Variants in PIK3C2G observed in about 807,000 individuals in gnomAD.
PIK3C2G encodes the protein phosphatidylinositol 3-kinase C2 domain-containing subunit gamma.
In PIK3C2G, 168 loss-of-function variants were observed where a neutral mutation model predicts 181.1. That is an observed-to-expected ratio of 0.93 (90% CI 0.82 to 1.05). The LOEUF (loss-of-function observed/expected upper bound fraction) is 1.05, where lower values mean the gene tolerates loss of function less well. Among genes scored for constraint, PIK3C2G ranks in the 50% least tolerant of loss-of-function variants. The pLI is 0.00. For missense variants in PIK3C2G, 1,869 were observed against 1,732.8 expected (o/e 1.08, Z -1.40); for synonymous variants, 573 against 592.2 (o/e 0.97, Z 0.47).
chr12:18,358,072 G>C (rs1380995592), intron 11 of PIK3C2G, among the ~76,000 whole-genome samples: 1 of 152,196 alleles, frequency 6.6e-6, no homozygotes, highest in African/African-American at 2.4e-5. Flanking sequence ...AGTTCAGATA[G>C]CTCTTCAAGA....
intron 20 of PIK3C2G, among the ~76,000 whole-genome samples, chr12:18,495,751 A>T (rs1394057000): frequency 6.6e-6 from 1 of 152,140 alleles, no homozygotes; most frequent in East Asian, 1.9e-4. Context: ...GCCAATATTC[A>T]TACACTGCTT....
chr12:18,321,166 A>G, intron 7 of PIK3C2G, 134 bp downstream of exon 7: 1 of 565,736 alleles, frequency 1.8e-6, no homozygotes, highest in East Asian at 2.9e-5. Flanking sequence ...TTTAACAGGC[A>G]AATTCTGTTA....
At chr12:18,689,710 A>G in the PIK3C2G span, among the ~76,000 whole-genome samples, 1 of 152,174 alleles carries the variant, frequency 6.6e-6, no homozygotes, top group African/African-American at 2.4e-5. Flanking sequence ...TGGATTTAGA[A>G]AGCAGTCCTG....
the PIK3C2G span, among the ~76,000 whole-genome samples, chr12:18,670,309 CACA>C: frequency 9.5e-4 from 144 of 152,206 alleles, no homozygotes; most frequent in Middle Eastern, 3.4e-3. Context: ...CACACACACA[CACA>C]ACATCAGAAA....
intron 9 of PIK3C2G, among the ~76,000 whole-genome samples, chr12:18,340,821 T>C (rs544971150): frequency 1.3e-5 from 2 of 152,254 alleles, no homozygotes; most frequent in Admixed American, 1.3e-4. Context: ...AATGAGATCA[T>C]TGCTGTTAAT....
chr12:18,335,433 G>A, intron 8 of PIK3C2G, among the ~76,000 whole-genome samples: 1 of 152,018 alleles, frequency 6.6e-6, no homozygotes, highest in East Asian at 1.9e-4. Context: ...TAAAATTTGT[G>A]TAATGTTTAT....
intron 29 of PIK3C2G, among the ~76,000 whole-genome samples, chr12:18,569,270 G>C (rs907372117): frequency 1.3e-5 from 2 of 152,018 alleles, no homozygotes; most frequent in African/African-American, 4.8e-5. Flanking sequence ...AATCCGAAGA[G>C]AGATATCTAA....
At chr12:18,350,646 G>A (rs547829776) in intron 11 of PIK3C2G, among the ~76,000 whole-genome samples, 157 of 152,204 alleles carry the variant, frequency 1.0e-3, no homozygotes, top group Middle Eastern at 6.8e-3. Flanking sequence ...TTGGCTCATC[G>A]TATTAGCACA....
chr12:18,549,142 C>T (rs1944596368), intron 26 of PIK3C2G, among the ~76,000 whole-genome samples: 1 of 151,976 alleles, frequency 6.6e-6, no homozygotes, highest in African/African-American at 2.4e-5. Context: ...CAGTACTTCC[C>T]AATCTTTTCT....
chr12:18,631,952 T>C (rs899600491), intron 31 of PIK3C2G, among the ~76,000 whole-genome samples: 2 of 152,176 alleles, frequency 1.3e-5, no homozygotes, highest in Admixed American at 6.5e-5. Flanking sequence ...TTGGGAGTCA[T>C]CTACATCAGT....
At chr12:18,682,002 A>G in the PIK3C2G span, among the ~76,000 whole-genome samples, 2 of 152,042 alleles carry the variant, frequency 1.3e-5, no homozygotes, top group East Asian at 1.9e-4. Context: ...GCTGAACAGT[A>G]GATGATTTAA....
At chr12:18,606,200 C>G (rs186642561) in intron 30 of PIK3C2G, among the ~76,000 whole-genome samples, 26 of 152,234 alleles carry the variant, frequency 1.7e-4, no homozygotes, top group African/African-American at 2.4e-5. Context: ...TCAGTCAGTT[C>G]AAGTGGCAAT....
intron 18 of PIK3C2G, among the ~76,000 whole-genome samples, chr12:18,425,403 T>C (rs1945744790): frequency 7.1e-6 from 1 of 141,038 alleles, no homozygotes; most frequent in African/African-American, 2.7e-5. Context: ...TTTTTTTTTT[T>C]TTTTTTTGAG....
intron 13 of PIK3C2G, among the ~76,000 whole-genome samples, chr12:18,373,649 A>T (rs1456521955): frequency 6.6e-6 from 1 of 152,146 alleles, no homozygotes; most frequent in Non-Finnish European, 1.5e-5. Context: ...GGAGATCGAG[A>T]CCATCCTGGC....
chr12:18,337,215 C>G (rs1938616952), intron 8 of PIK3C2G, among the ~76,000 whole-genome samples: 1 of 152,018 alleles, frequency 6.6e-6, no homozygotes, highest in Non-Finnish European at 1.5e-5. Flanking sequence ...AGAGAGATTT[C>G]TCACTATAGT....
downstream of PIK3C2G, among the ~76,000 whole-genome samples, chr12:18,650,347 ATGTGTGTGTGTGTG>A (rs71064013): frequency 1.5e-4 from 17 of 114,566 alleles, no homozygotes; most frequent in African/African-American, 4.3e-4. Flanking sequence ...ATATATATAT[ATGTGTGTGTGTGTG>A]TGTGTGTGTG....
At chr12:18,379,443 A>C (rs1942686247) in intron 13 of PIK3C2G, among the ~76,000 whole-genome samples, 1 of 152,078 alleles carries the variant, frequency 6.6e-6, no homozygotes, top group Admixed American at 6.5e-5. Flanking sequence ...CAGCACACCA[A>C]CATGGCACAT....
intron 18 of PIK3C2G, among the ~76,000 whole-genome samples, chr12:18,462,808 A>C (rs997155149): frequency 6.6e-6 from 1 of 152,166 alleles, no homozygotes; most frequent in Non-Finnish European, 1.5e-5. Flanking sequence ...ATTTCAACAC[A>C]TAATATTGGC....
At chr12:18,595,127 C>T (rs1344311470) in intron 30 of PIK3C2G, among the ~76,000 whole-genome samples, 1 of 151,996 alleles carries the variant, frequency 6.6e-6, no homozygotes, top group Non-Finnish European at 1.5e-5. Context: ...ATACATATTT[C>T]CTAGCACAAT....
Sources: allele counts gnomAD v4.1 joint callset (sites outside exome capture counted in the v4.1 genomes callset), GRCh38; gene constraint gnomAD v4.1.1; transcripts MANE v1.5; gene names NCBI Gene and HGNC (gene_info 2026-07-23, HGNC 2026-07-21).